Variants in BBS12 observed in about 807,000 individuals in gnomAD.
BBS12 encodes the protein chaperonin-containing T-complex member BBS12.
A neutral mutation model predicts 5.6 loss-of-function variants in BBS12; 5 were observed. The ratio of observed to expected loss-of-function variants is 0.89; its 90% CI spans 0.46 to 1.86. The LOEUF (loss-of-function observed/expected upper bound fraction) is 1.86, where lower values mean the gene tolerates loss of function less well. BBS12 is among the 40% of genes most tolerant of loss of function. BBS12 has a pLI of 0.01. For missense variants in BBS12, 748 were observed against 830.4 expected (o/e 0.90, Z 1.22); for synonymous variants, 308 against 306.8 (o/e 1.00, Z -0.04).
chr4:122,725,579 A>G, the BBS12 span, among the ~76,000 whole-genome samples: 2 of 152,182 alleles, frequency 1.3e-5, no homozygotes, highest in East Asian at 3.9e-4. Flanking sequence ...GAATGAAACT[A>G]GATCCTCATC....
rs115635198 is a variant in BBS12 at position 122,742,870 on chromosome 4, T to A, written c.978T>A (p.Thr326=). The A allele has an allele frequency of 3.3e-4, 534 of 1,613,854 alleles. 1 individual carries two copies. The highest frequency in any genetic ancestry group is 7.9e-4 in the African/African-American group (59 of 75,062). ...GCTGTCTACCAGGCTTACCTGAAAC[T>A]TCTTCTTGTGTTTGTCCAGGATATA... ...FTCCLPGLPE[T]SSCVCPGYIT... The change falls in exon 2 of 2, where the codon ACT becomes ACA. Residue 326 remains threonine, a synonymous_variant. Coordinates refer to ENST00000314218, the MANE Select transcript of BBS12 (RefSeq NM_152618.3).
rs1800933007 is a variant in BBS12 at position 122,743,693 on chromosome 4, A to G, written c.1801A>G (p.Thr601Ala). The change falls in exon 2 of 2, where the codon ACT (threonine) becomes GCT (alanine). Residue 601 changes from threonine (T) to alanine (A), a missense_variant. By Grantham distance (58) the Thr-to-Ala change is moderately conservative. Transcript: ENST00000314218. ...LANGWQKYLS[T>A]LLYNTANYSS... ...AAATGGATGGCAGAAATACCTTTCA[A>G]CTCTCCTATATAACACTGCCAATTA... 6 of 1,614,004 alleles carry G rather than the reference A, an allele frequency of 3.7e-6. No homozygotes were observed. Among genetic ancestry groups the G allele is most frequent in the Admixed American group, 1.7e-5 (1 of 59,994 alleles).
the BBS12 span, among the ~76,000 whole-genome samples, chr4:122,712,764 T>C: frequency 3.6e-4 from 55 of 152,372 alleles, no homozygotes; most frequent in Non-Finnish European, 6.3e-4. Flanking sequence ...TAAAGACTTC[T>C]GTAGAGTTCT....
At chr4:122,709,429 A>G in the BBS12 span, among the ~76,000 whole-genome samples, 22 of 152,168 alleles carry the variant, frequency 1.4e-4, no homozygotes, top group African/African-American at 5.3e-4. Context: ...TGTTGCAATA[A>G]TACAAATTAG....
the BBS12 span, among the ~76,000 whole-genome samples, chr4:122,719,390 C>T: frequency 2.6e-5 from 4 of 152,140 alleles, no homozygotes; most frequent in East Asian, 1.9e-4. Flanking sequence ...GCAACCCACT[C>T]GGGTCGGCTT....
chr4:122,708,888 T>A, the BBS12 span, among the ~76,000 whole-genome samples: 1 of 152,132 alleles, frequency 6.6e-6, no homozygotes, highest in East Asian at 1.9e-4. Flanking sequence ...AATATGTTAA[T>A]ATTGAACTAA....
the BBS12 span, among the ~76,000 whole-genome samples, chr4:122,716,711 A>ACG: frequency 8.2e-6 from 1 of 121,290 alleles, no homozygotes; most frequent in Non-Finnish European, 1.7e-5. Context: ...GTATACATAC[A>ACG]CATATGTGTG....
rs751181744 is a variant in BBS12, at chr4:122,742,787, G to A, written c.895G>A (p.Val299Met). 1.2e-6 allele frequency: 2 copies of A among 1,614,220 alleles called. No homozygotes were observed. Among genetic ancestry groups the A allele is most frequent in the East Asian group, 2.2e-5 (1 of 44,890 alleles). The change falls in exon 2 of 2, where the codon GTG becomes ATG. Residue 299 changes from valine to methionine, a missense_variant. Coordinates refer to ENST00000314218, the MANE Select transcript of BBS12 (RefSeq NM_152618.3). ...AVQLQYQNAC[V>M]QQGNCTKPFM... ...ACAGCTGCAATATCAGAATGCTTGT[G>A]TGCAACAAGGCAACTGTACAAAACC...
Position 122,743,480 on chromosome 4 carries a change from C to A in BBS12, c.1588C>A (p.Leu530Ile). 1.2e-6 allele frequency: 2 copies of A among 1,614,162 alleles called. No homozygotes were observed. Among genetic ancestry groups the A allele is most frequent in the Non-Finnish European group, 1.7e-6 (2 of 1,180,030 alleles). Reference protein sequence around the residue: ...WTCAYRLYYALKEEKVFLGGG... With the variant: ...WTCAYRLYYAIKEEKVFLGGG... ...ATGTGCCTATCGTTTGTATTATGCT[C>A]TAAAAGAGGAAAAGGTCTTCCTTGG... The change falls in exon 2 of 2, where the codon CTA becomes ATA. Residue 530 changes from leucine (L) to isoleucine (I), a missense_variant. By Grantham distance (5) the Leu-to-Ile change is conservative. Transcript: ENST00000314218.
the BBS12 span, among the ~76,000 whole-genome samples, chr4:122,716,628 CATATGTATAT>C: frequency 3.0e-3 from 299 of 100,074 alleles, 5 homozygotes; most frequent in African/African-American, 0.011. Flanking sequence ...TGCACATACA[CATATGTATAT>C]ACACACGTGT....
At chr4:122,735,748 C>T (rs45555936) in intron 1 of BBS12, among the ~76,000 whole-genome samples, 2,149 of 152,232 alleles carry the variant, frequency 0.014, 22 homozygotes, top group Non-Finnish European at 0.023. Context: ...TCGGGATATA[C>T]ATCATTGACT....
upstream of BBS12, chr4:122,731,905 A>G (rs1800700609): frequency 6.6e-6 from 1 of 152,240 alleles, no homozygotes; most frequent in Admixed American, 6.5e-5. Context: ...GCTTAACAAG[A>G]TATCGTTTTG....
chr4:122,727,111 GA>G, the BBS12 span, among the ~76,000 whole-genome samples: 4 of 151,466 alleles, frequency 2.6e-5, no homozygotes, highest in Non-Finnish European at 4.4e-5. Flanking sequence ...TTTTTTTAAA[GA>G]AAAAAATATA....
rs1338430436 is a variant in BBS12, at chr4:122,742,389, A to G, written c.497A>G (p.Asp166Gly). 1 of 1,614,214 alleles carries G rather than the reference A, an allele frequency of 6.2e-7. No individual in the cohort carries two copies. Among genetic ancestry groups the G allele is most frequent in the Non-Finnish European group, 8.5e-7 (1 of 1,180,032 alleles). Residue 166 changes from aspartate (D) to glycine (G), a missense_variant, in exon 2 of 2, where the codon GAT becomes GGT. Asp to Gly is a moderately conservative substitution (Grantham distance 94). Coordinates refer to ENST00000314218, the MANE Select transcript of BBS12 (RefSeq NM_152618.3). ...TGTCCTTTTCTACAGGTCCCTTCAG[A>G]TACTGATTTGATAGAGGAATTGCAT... is the stretch of plus-strand genomic sequence containing the variant. The part of the protein sequence containing the change: ...SLCPFLQVPS[D>G]TDLIEELHGL...
At chr4:122,708,783 C>T in the BBS12 span, among the ~76,000 whole-genome samples, 5 of 151,776 alleles carry the variant, frequency 3.3e-5, no homozygotes, top group African/African-American at 1.2e-4. Flanking sequence ...ACATTGTGCC[C>T]CGTACATGTA....
the BBS12 span, among the ~76,000 whole-genome samples, chr4:122,721,894 TG>T: frequency 3.3e-5 from 5 of 152,194 alleles, no homozygotes; most frequent in Admixed American, 6.5e-5. Flanking sequence ...CTCTACCTGT[TG>T]ATGAGAGGAA....
chr4:122,702,034 C>A, the BBS12 span, among the ~76,000 whole-genome samples: 3 of 152,144 alleles, frequency 2.0e-5, no homozygotes, highest in African/African-American at 7.2e-5. Context: ...GAAAAAAAAG[C>A]AACCAGAATT....
At chr4:122,711,665 T>C in the BBS12 span, among the ~76,000 whole-genome samples, 1 of 152,212 alleles carries the variant, frequency 6.6e-6, no homozygotes, top group Admixed American at 6.5e-5. Flanking sequence ...ACAGGATTAG[T>C]GTGTTTTCAT....
In BBS12 at chr4:122,742,265, G is replaced by A; in HGVS notation, c.373G>A (p.Glu125Lys). 1 of 1,613,788 alleles carries A rather than the reference G, an allele frequency of 6.2e-7. No homozygotes were observed. The highest frequency in any genetic ancestry group is 1.1e-5 in the South Asian group (1 of 91,072). The part of the protein sequence containing the change: ...VMSEGLNFCS[E>K]EVVSLHVPVH... Reference sequence around the variant, plus strand: ...GTCAGAAGGCTTAAACTTTTGTAGTGAAGAGGTAGTTTCTCTTCATGTACC... The same window carrying A: ...GTCAGAAGGCTTAAACTTTTGTAGTAAAGAGGTAGTTTCTCTTCATGTACC... Residue 125 changes from glutamate (E) to lysine (K), a missense_variant, in exon 2 of 2, where the codon GAA becomes AAA. Coordinates refer to ENST00000314218, the MANE Select transcript of BBS12 (RefSeq NM_152618.3).
Sources: allele counts gnomAD v4.1 joint callset (sites outside exome capture counted in the v4.1 genomes callset), GRCh38; gene constraint gnomAD v4.1.1; transcripts MANE v1.5; gene names NCBI Gene and HGNC (gene_info 2026-07-23, HGNC 2026-07-21).